Variants in STAG1 observed in about 807,000 individuals in gnomAD.
STAG1 encodes the protein STAG1 cohesin complex component.
Under a neutral mutation model 170.9 loss-of-function variants are expected in STAG1, and 26 were observed. The ratio of observed to expected loss-of-function variants is 0.15; its 90% confidence interval spans 0.11 to 0.21. STAG1 has a LOEUF of 0.21. Among genes scored for constraint, STAG1 ranks in the 10% least tolerant of loss-of-function variants. The pLI is 1.00. For missense variants in STAG1, 964 were observed against 1,509.5 expected, an observed-to-expected ratio of 0.64 and a Z score of 5.99; for synonymous variants, 514 against 497.7, an observed-to-expected ratio of 1.03 and a Z score of -0.44.
At chr3:136,682,210 A>G (rs1370785840) in intron 1 of STAG1, among the ~76,000 whole-genome samples, 2 of 152,080 alleles carry the variant, frequency 1.3e-5, no homozygotes, top group Non-Finnish European at 2.9e-5. Context: ...AGGTGGGTGG[A>G]TCACCTAAGT....
At chr3:136,490,321 C>T (rs139734654) in intron 9 of STAG1, among the ~76,000 whole-genome samples, 1 of 152,240 alleles carries the variant, frequency 6.6e-6, no homozygotes, top group East Asian at 1.9e-4. Flanking sequence ...AGCTACCGCA[C>T]CCGACTGCTA....
chr3:136,420,529 C>T (rs1415886135), intron 20 of STAG1, among the ~76,000 whole-genome samples: 1 of 152,164 alleles, frequency 6.6e-6, no homozygotes, highest in Non-Finnish European at 1.5e-5. Flanking sequence ...ATGTCAAACA[C>T]AACAATCAGT....
chr3:136,556,781 C>T (rs1936641092), intron 5 of STAG1, among the ~76,000 whole-genome samples: 1 of 151,974 alleles, frequency 6.6e-6, no homozygotes, highest in Non-Finnish European at 1.5e-5. Context: ...CAGGGTTTTA[C>T]CATGTTGCCC....
intron 1 of STAG1, among the ~76,000 whole-genome samples, chr3:136,680,489 T>C (rs182123836): frequency 4.9e-4 from 75 of 152,222 alleles, no homozygotes; most frequent in Non-Finnish European, 3.2e-4. Context: ...GAGTAATACG[T>C]AATACTATTT....
intron 6 of STAG1, among the ~76,000 whole-genome samples, chr3:136,532,899 T>C (rs971938865): frequency 3.9e-5 from 6 of 152,144 alleles, no homozygotes; most frequent in South Asian, 2.1e-4. Flanking sequence ...TTCAACATGG[T>C]ACTGGAAGTC....
intron 16 of STAG1, among the ~76,000 whole-genome samples, chr3:136,424,328 CTTTTTT>C (rs60213699): frequency 8.5e-6 from 1 of 117,192 alleles, no homozygotes; most frequent in African/African-American, 3.2e-5. Context: ...ATGGAACGAT[CTTTTTT>C]TTTTTTTTTT....
intron 7 of STAG1, among the ~76,000 whole-genome samples, chr3:136,516,301 G>C (rs1361326187): frequency 6.6e-6 from 1 of 151,970 alleles, no homozygotes; most frequent in Non-Finnish European, 1.5e-5. Flanking sequence ...TTGAATTCAG[G>C]AGTTCAAGGC....
At chr3:136,413,850 T>C (rs2087698690) in intron 21 of STAG1, among the ~76,000 whole-genome samples, 1 of 152,124 alleles carries the variant, frequency 6.6e-6, no homozygotes, top group Non-Finnish European at 1.5e-5. Context: ...TACAAATACA[T>C]AGGTGTACCC....
intron 1 of STAG1, among the ~76,000 whole-genome samples, chr3:136,684,943 A>G (rs1489258621): frequency 6.6e-6 from 1 of 152,226 alleles, no homozygotes; most frequent in Non-Finnish European, 1.5e-5. Flanking sequence ...GACAATCTAG[A>G]TGACCCTGGG....
intron 21 of STAG1, among the ~76,000 whole-genome samples, chr3:136,407,524 C>T (rs912251237): frequency 5.3e-5 from 8 of 151,970 alleles, no homozygotes; most frequent in Non-Finnish European, 1.0e-4. Flanking sequence ...TACAATGGTG[C>T]GATCTTGGCT....
intron 6 of STAG1, among the ~76,000 whole-genome samples, chr3:136,534,949 A>G (rs1935549840): frequency 6.6e-6 from 1 of 152,244 alleles, no homozygotes. Flanking sequence ...CCACACTTGC[A>G]TGTTTATCAC....
In STAG1 at chr3:136,369,089, A is replaced by C. The variant is rs764380413; in HGVS notation, c.2545+19T>G. 6.8e-7 allele frequency: 1 copy of C among 1,468,908 alleles called. No homozygotes were observed. Among genetic ancestry groups the C allele is most frequent in the Admixed American group, 2.6e-5 (1 of 38,036 alleles). 91.0% of individuals were successfully genotyped at this position (1,468,908 alleles called of 1,614,324 possible). ...TGGTAAAAAAAAATCAATATTGACA[A>C]GATGATAGCTACAAGTACCCATGCT... On this transcript the variant is annotated intron_variant, in intron 24 of 33. Transcript: ENST00000383202.
At chr3:136,423,644 A>C (rs2088024574) in intron 16 of STAG1, among the ~76,000 whole-genome samples, 1 of 152,238 alleles carries the variant, frequency 6.6e-6, no homozygotes, top group Non-Finnish European at 1.5e-5. Context: ...GATTCCAAAA[A>C]TAAAATATTA....
At chr3:136,518,094 A>T (rs76274983) in intron 7 of STAG1, 197 of 320,840 alleles carry the variant, frequency 6.1e-4, no homozygotes, top group Non-Finnish European at 1.0e-3. Context: ...AATTAAATGC[A>T]ATGCATAAAC....
At chr3:136,519,605 AAAGAAGT>A (rs1934568315) in intron 7 of STAG1, among the ~76,000 whole-genome samples, 1 of 152,074 alleles carries the variant, frequency 6.6e-6, no homozygotes, top group Non-Finnish European at 1.5e-5. Context: ...CTGTACACAG[AAAGAAGT>A]AAGACGAAAA....
At chr3:136,645,296 G>A (rs760852134) in intron 1 of STAG1, among the ~76,000 whole-genome samples, 5 of 152,078 alleles carry the variant, frequency 3.3e-5, no homozygotes, top group Non-Finnish European at 7.4e-5. Context: ...GAGAGAATTG[G>A]GTGAAATGCC....
intron 5 of STAG1, among the ~76,000 whole-genome samples, chr3:136,566,385 C>T (rs74783420): frequency 1.3e-5 from 2 of 152,206 alleles, no homozygotes; most frequent in African/African-American, 4.8e-5. Context: ...TGATCTCAGA[C>T]TTCCAGCCTC....
chr3:136,607,450 T>C (rs1939016697), intron 3 of STAG1, among the ~76,000 whole-genome samples: 1 of 152,232 alleles, frequency 6.6e-6, no homozygotes, highest in African/African-American at 2.4e-5. Context: ...TTGCTCAGGC[T>C]GGAGTGCGGT....
chr3:136,649,777 T>G (rs1360203138), intron 1 of STAG1, among the ~76,000 whole-genome samples: 1 of 151,510 alleles, frequency 6.6e-6, no homozygotes, highest in Non-Finnish European at 1.5e-5. Flanking sequence ...AGATTTTTTT[T>G]GTTTATTTGA....
Sources: allele counts gnomAD v4.1 joint callset (sites outside exome capture counted in the v4.1 genomes callset), GRCh38; gene constraint gnomAD v4.1.1; transcripts MANE v1.5; gene names NCBI Gene and HGNC (gene_info 2026-07-23, HGNC 2026-07-21).